The following MICAL2 variants were observed in gnomAD, a reference collection of about 807,000 sequenced individuals.
MICAL2 encodes the protein [F-actin]-monooxygenase MICAL2.
MICAL2 carries 77 observed loss-of-function variants against 127.3 expected under a neutral mutation model. That is an observed-to-expected ratio of 0.60 (90% CI 0.50 to 0.73). The LOEUF is 0.73. MICAL2 is among the 30% of genes least tolerant of loss of function. The pLI is 0.00. For synonymous variants in MICAL2, 570 were observed against 551.1 expected (o/e 1.03, Z -0.48); for missense variants, 1,351 against 1,434.4 (o/e 0.94, Z 0.94).
At chr11:12,331,865 T>G (rs1938639836) in intron 32 of MICAL2, among the ~76,000 whole-genome samples, 1 of 152,202 alleles carries the variant, frequency 6.6e-6, no homozygotes, top group African/African-American at 2.4e-5. Context: ...ATGTCCCTAT[T>G]ATTATAAAAC....
rs1166350419 is a variant in MICAL2 at position 12,279,146 on chromosome 11, A to G, written c.88-1787A>G. ...CACTGGGGAGCAAAGGAACCAGGAG[A>G]TGGCACGTGGTGGAAGCCAAGAGAA... is the stretch of plus-strand genomic sequence containing the variant. On this transcript the variant is annotated intron_variant, in intron 1 of 2. Transcript: ENST00000529028. Among the ~76,000 whole-genome samples, 4 of 152,170 alleles carry G rather than the reference A, an allele frequency of 2.6e-5. No individual in the cohort carries two copies. The East Asian group carries it at 7.7e-4, about 29-fold the overall frequency.
At chr11:12,135,329 A>G (rs1851749536) in intron 1 of MICAL2, among the ~76,000 whole-genome samples, 1 of 152,130 alleles carries the variant, frequency 6.6e-6, no homozygotes, top group South Asian at 2.1e-4. Flanking sequence ...CAGTCAACCC[A>G]TTTTACATAC....
chr11:12,342,235 G>A (rs1450364203), intron 32 of MICAL2, among the ~76,000 whole-genome samples: 2 of 152,200 alleles, frequency 1.3e-5, no homozygotes, highest in African/African-American at 4.8e-5. Context: ...TTCCTAGCTA[G>A]TCATAAGAGT....
rs373483801 is a variant in MICAL2 at position 12,282,579 on chromosome 11, A to G, written c.254+1480A>G. Among the ~76,000 whole-genome samples the G allele has an allele frequency of 9.8e-5, 15 of 152,382 alleles. No homozygotes were observed. The East Asian group carries it at 2.9e-3, about 29-fold the overall frequency. On this transcript the variant is annotated intron_variant, in intron 2 of 2. Coordinates refer to the MICAL2 transcript ENST00000529028. ...GGGATAGACCCCAGAGAGGCAGACCATAATCCTAAACAGTTGCTCTAATTG... is the reference window on the plus strand; with the variant it reads ...GGGATAGACCCCAGAGAGGCAGACCGTAATCCTAAACAGTTGCTCTAATTG...
chr11:12,138,347 G>A (rs544396247), intron 1 of MICAL2, 43 bp from the exon 2 acceptor site: 3 of 152,364 alleles, frequency 2.0e-5, no homozygotes, highest in East Asian at 3.9e-4. Flanking sequence ...CATAAGCTAC[G>A]ATGATGTCAC....
intron 3 of MICAL2, among the ~76,000 whole-genome samples, chr11:12,175,380 G>A (rs893363745): frequency 6.6e-6 from 1 of 152,006 alleles, no homozygotes; most frequent in Non-Finnish European, 1.5e-5. Context: ...GGAGGCTAAG[G>A]CAGGAAAACT....
intron 3 of MICAL2, among the ~76,000 whole-genome samples, chr11:12,164,747 G>T (rs970813078): frequency 6.6e-6 from 1 of 152,206 alleles, no homozygotes; most frequent in Non-Finnish European, 1.5e-5. Context: ...CAGAGGAACT[G>T]GCTACTGTGA....
intron 8 of MICAL2, among the ~76,000 whole-genome samples, chr11:12,216,946 G>T (rs1407668897): frequency 6.6e-6 from 1 of 152,208 alleles, no homozygotes. Flanking sequence ...GGGTGGGTTT[G>T]TAGATTCCCT....
chr11:12,236,252 G>A lies in MICAL2; in HGVS notation c.2064+7G>A. ...CTTCACCAACCTGGACGAGGTTTGT[G>A]TACACAGTGTGGCTTTAAACAGAGG... On this transcript the variant is annotated splice_region_variant and intron_variant, in intron 16 of 27. Transcript: ENST00000683283. The A allele has an allele frequency of 2.5e-6, 4 of 1,613,858 alleles. No individual in the cohort carries two copies. Among genetic ancestry groups the A allele is most frequent in the South Asian group, 1.1e-5 (1 of 91,082 alleles).
In MICAL2 at chr11:12,236,224, G is replaced by A. The variant is rs940154048; in HGVS notation, c.2043G>A (p.Lys681=). ...ATGACATGAACAAACGGAGACGGAA[G>A]GGCTTCACCAACCTGGACGAGGTTT... The part of the protein sequence containing the change: ...GENDMNKRRR[K]GFTNLDEPSN... Residue 681 remains lysine (K), a synonymous_variant, in exon 16 of 28, where the codon AAG becomes AAA. Transcript: ENST00000683283. The A allele has an allele frequency of 6.2e-7, 1 of 1,614,192 alleles. No individual in the cohort carries two copies. Among genetic ancestry groups the A allele is most frequent in the Admixed American group, 1.7e-5 (1 of 60,008 alleles).
At position 12,215,032 on chromosome 11, in the gene MICAL2, T is replaced by C. The variant is rs539011405; in HGVS notation, c.848-1187T>C. On this transcript the variant is annotated intron_variant, in intron 7 of 27. Transcript: ENST00000683283. Reference sequence around the variant, plus strand: ...CCCTCTCAGTTTCACCTCCATTGCATTATTCCATTAAAAGCTTGAATATTT... The same window carrying C: ...CCCTCTCAGTTTCACCTCCATTGCACTATTCCATTAAAAGCTTGAATATTT... Among the ~76,000 whole-genome samples the C allele has an allele frequency of 7.2e-5, 11 of 152,350 alleles. No homozygotes were observed. In the South Asian group the frequency reaches 2.3e-3, roughly 32 times the overall value.
intron 4 of MICAL2, among the ~76,000 whole-genome samples, 198 bp downstream of exon 4, chr11:12,204,655 G>A (rs1395465194): frequency 6.6e-6 from 1 of 152,204 alleles, no homozygotes; most frequent in Non-Finnish European, 1.5e-5. Flanking sequence ...TGGACTGTAA[G>A]CACCATGAGG....
chr11:12,331,662 T>C (rs960209942), intron 32 of MICAL2, among the ~76,000 whole-genome samples: 3 of 152,196 alleles, frequency 2.0e-5, no homozygotes, highest in East Asian at 1.9e-4. Flanking sequence ...ACTCCTGAGT[T>C]TGAATCCCAA....
At chr11:12,237,332 C>T (rs1859226358) in intron 16 of MICAL2, among the ~76,000 whole-genome samples, 3 of 152,232 alleles carry the variant, frequency 2.0e-5, no homozygotes, top group South Asian at 2.1e-4. Flanking sequence ...ACTGTTTCTT[C>T]TCCACCACTT....
intron 3 of MICAL2, among the ~76,000 whole-genome samples, chr11:12,198,153 C>T (rs182255005): frequency 6.6e-6 from 1 of 152,224 alleles, no homozygotes; most frequent in South Asian, 2.1e-4. Context: ...TGAGCATGTA[C>T]CCTGGAATCA....
In MICAL2 at chr11:12,163,191, G is replaced by A. The variant is rs147563018; in HGVS notation, c.264+772G>A. On this transcript the variant is annotated intron_variant, in intron 3 of 27. Coordinates refer to ENST00000683283, the MANE Select transcript of MICAL2 (RefSeq NM_001282663.2). Reference sequence around the variant, plus strand: ...CATCGGCGAACATAGGCTCACTATCGCAACCTTTCTCTGACATTTCTGAAA... The same window carrying A: ...CATCGGCGAACATAGGCTCACTATCACAACCTTTCTCTGACATTTCTGAAA... Among the ~76,000 whole-genome samples the A allele has an allele frequency of 1.3e-3, 202 of 152,250 alleles. 1 individual carries two copies. The Middle Eastern group carries it at 0.034, about 26-fold the overall frequency.
chr11:12,345,088 G>A (rs1483431714), intron 32 of MICAL2, among the ~76,000 whole-genome samples: 1 of 150,052 alleles, frequency 6.7e-6, no homozygotes, highest in Non-Finnish European at 1.5e-5. Context: ...CTCCAGCCTG[G>A]GCGACAGAGC....
chr11:12,130,826 A>G (rs1851354072), intron 1 of MICAL2, among the ~76,000 whole-genome samples: 1 of 152,220 alleles, frequency 6.6e-6, no homozygotes, highest in African/African-American at 2.4e-5. Context: ...TCTGCAGAGC[A>G]GCACAGACTG....
At chr11:12,296,876 C>T (rs1262967841), downstream of MICAL2, among the ~76,000 whole-genome samples, 1 of 151,980 alleles carries the variant, frequency 6.6e-6, no homozygotes, top group Non-Finnish European at 1.5e-5. Context: ...GTACGTAAAG[C>T]ACTTTCTTCT....
Sources: allele counts gnomAD v4.1 joint callset (sites outside exome capture counted in the v4.1 genomes callset), GRCh38; gene constraint gnomAD v4.1.1; transcripts MANE v1.5; gene names NCBI Gene and HGNC (gene_info 2026-07-23, HGNC 2026-07-21).